SHISAL2A: variants seen among roughly 807,000 people sequenced by gnomAD.
The protein encoded by SHISAL2A is protein shisa-like-2A.
In SHISAL2A, 18 loss-of-function variants were observed where a neutral mutation model predicts 11.5. The observed-to-expected ratio is 1.57, with a 90% confidence interval of 1.08 to 2.33. The LOEUF (loss-of-function observed/expected upper bound fraction) is 2.33, where lower values mean the gene tolerates loss of function less well. SHISAL2A is among the 30% of genes most tolerant of loss of function. The probability of loss-of-function intolerance (pLI) is 0.00; values close to 1 mark genes in which losing one functional copy is unlikely to be tolerated. For missense variants in SHISAL2A, 261 were observed against 250.9 expected, an observed-to-expected ratio of 1.04 and a Z score of -0.27; for synonymous variants, 94 against 99.6, an observed-to-expected ratio of 0.94 and a Z score of 0.34.
At chr1:52,665,828 G>T (rs573880310) in intron 4 of SHISAL2A, among the ~76,000 whole-genome samples, 1 of 152,096 alleles carries the variant, frequency 6.6e-6, no homozygotes, top group African/African-American at 2.4e-5. Context: ...CTCCCTGATG[G>T]CCTCACAGGC....
rs7552580 is a variant in SHISAL2A, at chr1:52,651,426, G to A, written c.323-5364G>A. Among the ~76,000 whole-genome samples, 65 of 152,076 alleles carry A rather than the reference G, an allele frequency of 4.3e-4. 1 individual carries two copies. The highest frequency in any genetic ancestry group is 1.5e-3 in the Admixed American group (23 of 15,272). ...TAATATTTGTATTTTTAGTAGAGAC[G>A]GGGTTTCACCATCTTGGCCAGAGGC... is the stretch of plus-strand genomic sequence containing the variant. On this transcript the variant is annotated intron_variant, in intron 2 of 2. Transcript: ENST00000517870.
At chr1:52,652,612 C>T (rs1399936977) in intron 2 of SHISAL2A, among the ~76,000 whole-genome samples, 1 of 151,962 alleles carries the variant, frequency 6.6e-6, no homozygotes, top group Non-Finnish European at 1.5e-5. Context: ...AAAATGAAAG[C>T]TTAAATAACA....
downstream of SHISAL2A, among the ~76,000 whole-genome samples, chr1:52,659,021 TTGG>T (rs1288473556): frequency 3.3e-5 from 5 of 151,372 alleles, no homozygotes; most frequent in Non-Finnish European, 7.4e-5. Context: ...TTTGTTGTTG[TTGG>T]TGGTGGTGGT....
chr1:52,660,679 G>C (rs1052068544), downstream of SHISAL2A, among the ~76,000 whole-genome samples: 2 of 152,178 alleles, frequency 1.3e-5, no homozygotes, highest in African/African-American at 4.8e-5. Flanking sequence ...CTTCAGCCCA[G>C]AATTAGAGAA....
intron 1 of SHISAL2A, among the ~76,000 whole-genome samples, chr1:52,634,169 G>T (rs1691192983): frequency 6.6e-6 from 1 of 151,986 alleles, no homozygotes; most frequent in South Asian, 2.1e-4. Context: ...CTTCTGTCCT[G>T]CCTGCAGTCC....
chr1:52,642,790 A>G, intron 1 of SHISAL2A, 73 bp from the exon 2 acceptor site: 2 of 1,474,208 alleles, frequency 1.4e-6, no homozygotes, highest in Non-Finnish European at 1.9e-6. Context: ...TAGCCTAGCT[A>G]CAACACTTTT....
chr1:52,665,917 C>T (rs886212159), intron 4 of SHISAL2A, among the ~76,000 whole-genome samples: 1 of 152,146 alleles, frequency 6.6e-6, no homozygotes, highest in Admixed American at 6.5e-5. Context: ...AATGTAGCAG[C>T]GTGTGCATGT....
chr1:52,650,168 C>T (rs72666856), intron 2 of SHISAL2A, among the ~76,000 whole-genome samples: 5,096 of 152,268 alleles, frequency 0.033, 136 homozygotes, highest in Non-Finnish European at 0.052. Flanking sequence ...TGAGAGGTAA[C>T]GCCGAGGAAC....
chr1:52,665,787 C>T (rs1334488787), intron 4 of SHISAL2A, among the ~76,000 whole-genome samples: 1 of 152,172 alleles, frequency 6.6e-6, no homozygotes, highest in East Asian at 1.9e-4. Context: ...CAGAAGCACT[C>T]CTTTCTGCAA....
intron 1 of SHISAL2A, among the ~76,000 whole-genome samples, chr1:52,638,025 C>CA (rs775974813): frequency 3.3e-5 from 5 of 152,162 alleles, no homozygotes; most frequent in Non-Finnish European, 5.9e-5. Context: ...GTACATTCAC[C>CA]ATGGAACAAC....
At chr1:52,657,568 A>G (rs754681824), downstream of SHISAL2A, among the ~76,000 whole-genome samples, 1 of 152,148 alleles carries the variant, frequency 6.6e-6, no homozygotes, top group Non-Finnish European at 1.5e-5. Context: ...GAGAGAATGA[A>G]TAGGGGCAGG....
chr1:52,641,728 G>A (rs762466836), intron 1 of SHISAL2A, among the ~76,000 whole-genome samples: 2 of 152,102 alleles, frequency 1.3e-5, no homozygotes, highest in Non-Finnish European at 2.9e-5. Context: ...GATTGCTTGA[G>A]GCCAGAAGTT....
chr1:52,633,320 C>T lies in SHISAL2A; in HGVS notation c.-174C>T. On this transcript the variant is annotated 5_prime_UTR_variant, in exon 1 of 3. Coordinates refer to ENST00000517870, the MANE Select transcript of SHISAL2A (RefSeq NM_001042693.3). The surrounding 1 kb of genome is among the most constrained non-coding windows in gnomAD (Gnocchi z 6.4). The stretch of plus-strand genomic sequence containing the variant: ...GCGGGCCGGGCACCTGGCCGCCGCT[C>T]GGTCCTCGGGGCCCCGCGCTGCTGT... The T allele has an allele frequency of 1.8e-6, 1 of 561,518 alleles. No individual in the cohort carries two copies. Among genetic ancestry groups the T allele is most frequent in the Non-Finnish European group, 2.8e-6 (1 of 354,228 alleles). 34.8% of individuals were successfully genotyped at this position (561,518 alleles called of 1,614,324 possible). A position where few individuals can be genotyped will look rare whatever the true frequency, so the allele number is the denominator to read the frequency against.
chr1:52,633,127 G>A (rs1338755972), upstream of SHISAL2A, among the ~76,000 whole-genome samples: 1 of 152,226 alleles, frequency 6.6e-6, no homozygotes, highest in Non-Finnish European at 1.5e-5. This position sits in a 1 kb window ranked among gnomAD's most constrained non-coding sequence, Gnocchi z 6.4. Context: ...CCCTCGTGCA[G>A]GCAGGGGGAG....
chr1:52,667,290 G>A, intron 4 of SHISAL2A: 1 of 429,450 alleles, frequency 2.3e-6, no homozygotes, highest in African/African-American at 2.1e-5. Context: ...TAGTTAGTCA[G>A]CACGAGTTCA....
At chr1:52,667,512 T>C (rs58639456) in exon 5 of SHISAL2A, 7 of 370,956 alleles carry the variant, frequency 1.9e-5, no homozygotes, top group East Asian at 1.6e-4. Context: ...ACCACCACCA[T>C]CATCATCATT....
chr1:52,651,097 A>G (rs558443872), intron 2 of SHISAL2A, among the ~76,000 whole-genome samples: 13 of 152,322 alleles, frequency 8.5e-5, no homozygotes, highest in African/African-American at 2.9e-4. Context: ...TCAGTTGGAT[A>G]GAACTCACCA....
At position 52,656,865 on chromosome 1, in the gene SHISAL2A, T is replaced by C; in HGVS notation, c.398T>C (p.Leu133Pro). 1 of 1,614,106 alleles carries C rather than the reference T, an allele frequency of 6.2e-7. No homozygotes were observed. The highest frequency in any genetic ancestry group is 8.5e-7 in the Non-Finnish European group (1 of 1,180,008). Residue 133 changes from leucine (L) to proline (P), a missense_variant, in exon 3 of 3, where the codon CTC becomes CCC. Transcript: ENST00000517870. ...GCAGAAGTGCCAAAAGTGAGCCCTCTCCAGCAGAGTTACTCCTGCTTGAAC... is the reference window on the plus strand; with the variant it reads ...GCAGAAGTGCCAAAAGTGAGCCCTCCCCAGCAGAGTTACTCCTGCTTGAAC... ...MAAEVPKVSP[L>P]QQSYSCLNPQ... is the part of the protein sequence containing the mutation.
intron 4 of SHISAL2A, chr1:52,667,298 T>G: frequency 1.9e-6 from 1 of 515,364 alleles, no homozygotes; most frequent in Non-Finnish European, 2.5e-6. Flanking sequence ...CAGCACGAGT[T>G]CATTCCTCTT....
Sources: allele counts gnomAD v4.1 joint callset (sites outside exome capture counted in the v4.1 genomes callset), GRCh38; gene constraint gnomAD v4.1.1; non-coding constraint Gnocchi (gnomAD v3.1); transcripts MANE v1.5; gene names NCBI Gene and HGNC (gene_info 2026-07-23, HGNC 2026-07-21).